Variants in TRHDE observed in about 807,000 individuals in gnomAD.
The protein encoded by TRHDE is thyrotropin-releasing hormone-degrading ectoenzyme.
TRHDE carries 72 observed loss-of-function variants against 125.7 expected under a neutral mutation model. That is an observed-to-expected ratio of 0.57 (90% CI 0.47 to 0.70). The LOEUF is 0.70. TRHDE is among the 30% of genes least tolerant of loss of function. The probability of loss-of-function intolerance (pLI) is 0.00; values close to 1 mark genes in which losing one functional copy is unlikely to be tolerated. For missense variants in TRHDE, 1,110 were observed against 1,327.1 expected, an observed-to-expected ratio of 0.84 and a Z score of 2.54; for synonymous variants, 509 against 509.1, an observed-to-expected ratio of 1.00 and a Z score of 0.00.
intron 6 of TRHDE, among the ~76,000 whole-genome samples, chr12:72,532,029 T>G (rs1207849325): frequency 6.6e-6 from 1 of 152,110 alleles, no homozygotes; most frequent in Non-Finnish European, 1.5e-5. Context: ...TTTTAGGATA[T>G]TTGACATTTT....
intron 1 of TRHDE, among the ~76,000 whole-genome samples, chr12:72,096,817 A>G (rs958745290): frequency 6.6e-6 from 1 of 152,194 alleles, no homozygotes; most frequent in African/African-American, 2.4e-5. Context: ...CATTGTCACA[A>G]AGACCTAGTC....
At chr12:72,584,291 A>G (rs1035748064) in intron 12 of TRHDE, among the ~76,000 whole-genome samples, 18 of 152,026 alleles carry the variant, frequency 1.2e-4, no homozygotes, top group African/African-American at 4.4e-4. Flanking sequence ...AATTGACATA[A>G]TATTTTATGT....
At chr12:72,248,086 C>A (rs1878609293) in intron 2 of TRHDE, among the ~76,000 whole-genome samples, 1 of 151,956 alleles carries the variant, frequency 6.6e-6, no homozygotes, top group Non-Finnish European at 1.5e-5. Context: ...CATATGTACG[C>A]ACATATACAG....
intron 2 of TRHDE, among the ~76,000 whole-genome samples, chr12:72,177,784 G>A (rs1051288887): frequency 5.3e-5 from 8 of 151,844 alleles, no homozygotes; most frequent in Non-Finnish European, 8.8e-5. Context: ...TATCATCAGA[G>A]CCTATATATT....
intron 2 of TRHDE, among the ~76,000 whole-genome samples, chr12:72,125,986 T>TAAAAC (rs1034554456): frequency 4.6e-5 from 7 of 151,880 alleles, no homozygotes; most frequent in Non-Finnish European, 1.0e-4. Flanking sequence ...GCCACAAAAA[T>TAAAAC]AAAACAAAAC....
rs145021951 is a variant in TRHDE, at chr12:72,310,788, A to G, written c.1188+23834A>G. Among the ~76,000 whole-genome samples the G allele has an allele frequency of 3.7e-3, 562 of 152,270 alleles. 1 individual carries two copies. The highest frequency in any genetic ancestry group is 6.3e-3 in the Non-Finnish European group (426 of 68,024). ...CCTTAGCATGTGGAGTGGAAATTTG[A>G]CAGTCCCTAATCAATACCAATTTCA... On this transcript the variant is annotated intron_variant, in intron 2 of 18. Transcript: ENST00000261180.
intron 1 of TRHDE, among the ~76,000 whole-genome samples, chr12:72,098,120 C>A (rs1874979119): frequency 6.6e-6 from 1 of 152,104 alleles, no homozygotes; most frequent in Non-Finnish European, 1.5e-5. Flanking sequence ...TGAGCTCAAG[C>A]TATCCTCCTG....
At chr12:72,291,455 G>T (rs1305378035) in intron 2 of TRHDE, among the ~76,000 whole-genome samples, 1 of 152,206 alleles carries the variant, frequency 6.6e-6, no homozygotes, top group African/African-American at 2.4e-5. Context: ...TGGGCTCTTT[G>T]TTTTGCCTTC....
At chr12:72,297,500 C>T (rs576500246) in intron 2 of TRHDE, among the ~76,000 whole-genome samples, 4 of 152,104 alleles carry the variant, frequency 2.6e-5, no homozygotes, top group East Asian at 3.9e-4. Flanking sequence ...TTGGAACAAG[C>T]GTCAATAACA....
intron 2 of TRHDE, among the ~76,000 whole-genome samples, chr12:72,240,894 A>G (rs1878464972): frequency 6.6e-6 from 1 of 152,158 alleles, no homozygotes; most frequent in Admixed American, 6.5e-5. Context: ...TTTAAAAAAT[A>G]AACAAATTTA....
chr12:72,186,735 A>G (rs1877222800), intron 2 of TRHDE: 1 of 152,182 alleles, frequency 6.6e-6, no homozygotes, highest in African/African-American at 2.4e-5. Context: ...ATCAGCAAAT[A>G]GAATTATTTT....
At chr12:72,603,920 A>C (rs893154164) in intron 12 of TRHDE, among the ~76,000 whole-genome samples, 34 of 152,298 alleles carry the variant, frequency 2.2e-4, no homozygotes, top group Non-Finnish European at 4.7e-4. Context: ...AAATTCAGGC[A>C]GACTGAGATT....
At chr12:72,330,441 A>G (rs1307768486) in intron 2 of TRHDE, among the ~76,000 whole-genome samples, 1 of 152,168 alleles carries the variant, frequency 6.6e-6, no homozygotes, top group Admixed American at 6.5e-5. Flanking sequence ...CGGAAGTGTC[A>G]GAACTGGAGC....
intron 7 of TRHDE, among the ~76,000 whole-genome samples, chr12:72,543,045 T>C (rs1033155858): frequency 6.6e-6 from 1 of 151,378 alleles, no homozygotes; most frequent in Non-Finnish European, 1.5e-5. Flanking sequence ...ATTGATGAAT[T>C]ATTTATGATG....
At chr12:72,282,308 C>G (rs1171189786) in intron 1 of TRHDE, among the ~76,000 whole-genome samples, 1 of 151,882 alleles carries the variant, frequency 6.6e-6, no homozygotes, top group Non-Finnish European at 1.5e-5. Flanking sequence ...ATTTATTATA[C>G]TTGGTATTCT....
intron 12 of TRHDE, among the ~76,000 whole-genome samples, chr12:72,611,695 A>T (rs1384962417): frequency 6.6e-6 from 1 of 152,126 alleles, no homozygotes; most frequent in African/African-American, 2.4e-5. Flanking sequence ...GCTGTGTGAA[A>T]TTGTCTAGGT....
chr12:72,629,259 C>T (rs1873380020), intron 15 of TRHDE, among the ~76,000 whole-genome samples: 1 of 151,686 alleles, frequency 6.6e-6, no homozygotes, highest in African/African-American at 2.4e-5. Context: ...ATATTACTAG[C>T]CATGCATAGA....
chr12:72,240,558 TTCTC>T (rs1878456420), intron 2 of TRHDE, among the ~76,000 whole-genome samples: 1 of 151,646 alleles, frequency 6.6e-6, no homozygotes, highest in East Asian at 1.9e-4. Flanking sequence ...CTTCCTTTCT[TTCTC>T]CAATTAATTT....
chr12:72,287,577 G>GACACACAC (rs10606890), intron 2 of TRHDE, among the ~76,000 whole-genome samples: 2,126 of 147,774 alleles, frequency 0.014, 48 homozygotes, highest in African/African-American at 0.05. Flanking sequence ...TCTATGTATA[G>GACACACAC]ACACACACAC....
Sources: gnomAD v4.1 joint callset for allele counts (sites outside exome capture counted in the v4.1 genomes callset) on GRCh38, gnomAD v4.1.1 for gene constraint, MANE v1.5 for transcripts, NCBI Gene and HGNC (gene_info 2026-07-23, HGNC 2026-07-21) for gene names.